The following ECE1 variants were observed in gnomAD, a reference collection of about 807,000 sequenced individuals.
ECE1 encodes the protein endothelin converting enzyme 1.
Under a neutral mutation model 98.6 loss-of-function variants are expected in ECE1, and 35 were observed. The ratio of observed to expected loss-of-function variants is 0.35; its 90% confidence interval spans 0.27 to 0.47. The LOEUF is 0.47. Ranked by LOEUF, ECE1 falls within the 20% of genes least tolerant of loss-of-function variation. The probability of loss-of-function intolerance (pLI) is 1.00; values close to 1 mark genes in which losing one functional copy is unlikely to be tolerated. For synonymous variants in ECE1, 394 were observed against 407.1 expected, an observed-to-expected ratio of 0.97 and a Z score of 0.39; for missense variants, 814 against 1,025.3, an observed-to-expected ratio of 0.79 and a Z score of 2.81.
intron 11 of ECE1, among the ~76,000 whole-genome samples, chr1:21,237,122 G>A (rs2103240927): frequency 6.6e-6 from 1 of 152,234 alleles, no homozygotes; most frequent in Non-Finnish European, 1.5e-5. Flanking sequence ...GTACTTTTCA[G>A]AGCCTTTAAT....
At chr1:21,281,188 T>A (rs762105660) in intron 2 of ECE1, among the ~76,000 whole-genome samples, 7 of 147,110 alleles carry the variant, frequency 4.8e-5, no homozygotes, top group Non-Finnish European at 8.9e-5. Flanking sequence ...AGACTCCGTC[T>A]CGGAAAACAA....
At chr1:21,224,874 A>G (rs535375849) in intron 17 of ECE1, among the ~76,000 whole-genome samples, 2 of 152,244 alleles carry the variant, frequency 1.3e-5, no homozygotes, top group South Asian at 4.1e-4. Flanking sequence ...AACTGGCTCC[A>G]CGACCAGTGC....
rs1170914085 is a variant in ECE1 at position 21,327,352 on chromosome 1, G to C, written c.3+18024C>G. On this transcript the variant is annotated intron_variant, in intron 1 of 18. Transcript: ENST00000415912. This position sits in a 1 kb window ranked among gnomAD's most constrained non-coding sequence, Gnocchi z 4.6. ...GCTCTGTTTTCTCATTTGTCAAAGC[G>C]ACGGGCTGATCCCCTGCCCCACTCC... Among the ~76,000 whole-genome samples the C allele has an allele frequency of 2.0e-5, 3 of 152,116 alleles. No individual in the cohort carries two copies. Among genetic ancestry groups the C allele is most frequent in the Admixed American group, 6.5e-5 (1 of 15,276 alleles).
intron 1 of ECE1, among the ~76,000 whole-genome samples, chr1:21,310,938 A>G (rs1449600381): frequency 1.3e-5 from 2 of 152,128 alleles, no homozygotes; most frequent in Non-Finnish European, 2.9e-5. Flanking sequence ...ATATCCTACA[A>G]AAACATGTTG....
chr1:21,255,986 C>A lies in ECE1; in HGVS notation c.981G>T (p.Glu327Asp). 6.2e-7 allele frequency: 1 copy of A among 1,614,156 alleles called. No individual in the cohort carries two copies. Among genetic ancestry groups the A allele is most frequent in the South Asian group, 1.1e-5 (1 of 91,080 alleles). ...CCGTCACTTTGTGGTAGATGAGCTC[C>A]TCATCACGGCGCTTCTCCTGTGGGA... The part of the protein sequence containing the change: ...ITIPQEKRRD[E>D]ELIYHKVTAA... The change falls in exon 8 of 19, where the codon GAG becomes GAT. Residue 327 changes from glutamate (E) to aspartate (D), a missense_variant. By Grantham distance (45) the Glu-to-Asp change is conservative. This residue lies in a region of ECE1 where 105 missense variants were observed against 179.1 expected (regional missense o/e 0.59). Coordinates refer to ENST00000374893, the MANE Select transcript of ECE1 (RefSeq NM_001397.3).
In ECE1 at chr1:21,233,651, AC is replaced by A; in HGVS notation, c.1576del (p.Val526PhefsTer35). 6.2e-7 allele frequency: 1 copy of A among 1,613,518 alleles called. No homozygotes were observed. Among genetic ancestry groups the A allele is most frequent in the Non-Finnish European group, 8.5e-7 (1 of 1,179,662 alleles). On this transcript the variant is annotated frameshift_variant, in exon 14 of 19. Transcript: ENST00000374893. LOFTEE classifies it high-confidence loss of function. This position sits in a 1 kb window ranked among gnomAD's most constrained non-coding sequence, Gnocchi z 4.0. ...GGCATTTTCAAAGTAGAGGTCTGGAACTGCAGTGTACTAGAAAAGAAGAAGT... is the reference window on the plus strand; with the variant it reads ...GGCATTTTCAAAGTAGAGGTCTGGAATGCAGTGTACTAGAAAAGAAGAAGT... ...LDKVFNDYTAVPDLYFENAMR... is the reference protein window; with the variant it reads ...LDKVFNDYTAXPDLYFENAMR...
Position 21,287,394 on chromosome 1 carries a change from C to T in ECE1, c.138+2676G>A, listed in dbSNP as rs982997623. ...TACAAGTATTAGCCGAGCGTGGTGA[C>T]GTGCGCCTGTAATCCCAGCTACTCC... On this transcript the variant is annotated intron_variant, in intron 2 of 18. Transcript: ENST00000374893. Among the ~76,000 whole-genome samples, 6 of 152,080 alleles carry T rather than the reference C, an allele frequency of 3.9e-5. No individual in the cohort carries two copies. The East Asian group carries it at 1.2e-3, about 29-fold the overall frequency.
rs1251859878 is a variant in ECE1 at position 21,218,365 on chromosome 1, A to T, written c.*1590T>A. ...AGGTTAGCCCTGCAGGCACCGGGGA[A>T]ATGGGGCTATGGCCTGTGCTTCAGT... is the stretch of plus-strand genomic sequence containing the variant. On this transcript the variant is annotated 3_prime_UTR_variant, in exon 19 of 19. Coordinates refer to ENST00000374893, the MANE Select transcript of ECE1 (RefSeq NM_001397.3). The surrounding 1 kb of genome is among the most constrained non-coding windows in gnomAD (Gnocchi z 4.0). The T allele has an allele frequency of 2.0e-5, 3 of 152,348 alleles. No individual in the cohort carries two copies. The highest frequency in any genetic ancestry group is 4.4e-5 in the Non-Finnish European group (3 of 68,198). 9.4% of individuals were successfully genotyped at this position (152,348 alleles called of 1,614,324 possible).
At position 21,220,057 on chromosome 1, in the gene ECE1, G is replaced by A; in HGVS notation, c.2211C>T (p.Phe737=). 1.9e-6 allele frequency: 3 copies of A among 1,614,232 alleles called. No homozygotes were observed. Among genetic ancestry groups the A allele is most frequent in the Non-Finnish European group, 2.5e-6 (3 of 1,180,030 alleles). Residue 737 remains phenylalanine (F), a synonymous_variant, in exon 19 of 19, where the codon TTC becomes TTT. Coordinates refer to ENST00000374893, the MANE Select transcript of ECE1 (RefSeq NM_001397.3). This position sits in a 1 kb window ranked among gnomAD's most constrained non-coding sequence, Gnocchi z 5.0. ...LITDPHSPSR[F]RVIGSLSNSK... ...AATTGGAGAGGGAGCCGATGACCCG[G>A]AAGCGAGAGGGGCTGTGGGGATCGG...
chr1:21,312,627 AAAT>A (rs1424635039), intron 1 of ECE1, among the ~76,000 whole-genome samples: 1 of 151,908 alleles, frequency 6.6e-6, no homozygotes, highest in Non-Finnish European at 1.5e-5. Flanking sequence ...TTAAATAAAT[AAAT>A]AAAAAGAGCA....
chr1:21,290,020 T>C lies in ECE1; in HGVS notation c.138+50A>G. The C allele has an allele frequency of 1.8e-6, 2 of 1,096,210 alleles. No homozygotes were observed. The highest frequency in any genetic ancestry group is 2.3e-6 in the Non-Finnish European group (2 of 886,590). 67.9% of individuals were successfully genotyped at this position (1,096,210 alleles called of 1,614,324 possible). ...GGGGGCGCGGCAGCGGCAGCGCGCA[T>C]GCCCGGGCCCGGGGCGCCTGGACCT... is the stretch of plus-strand genomic sequence containing the variant. On this transcript the variant is annotated intron_variant, in intron 2 of 18. Coordinates refer to ENST00000374893, the MANE Select transcript of ECE1 (RefSeq NM_001397.3). The surrounding 1 kb of genome is among the most constrained non-coding windows in gnomAD (Gnocchi z 7.3).
rs1639097054 is a variant in ECE1, at chr1:21,327,166, A to G, written c.3+18210T>C. ...GCAGGGCATGGGGAGGGACGAAGCC[A>G]CCAGGAGACTGGGAAGAGGGACTCT... On this transcript the variant is annotated intron_variant, in intron 1 of 18. Coordinates refer to the ECE1 transcript ENST00000415912. This position sits in a 1 kb window ranked among gnomAD's most constrained non-coding sequence, Gnocchi z 4.6. Among the ~76,000 whole-genome samples the G allele has an allele frequency of 6.6e-6, 1 of 152,186 alleles. No homozygotes were observed. The highest frequency in any genetic ancestry group is 2.1e-4 in the South Asian group (1 of 4,830).
chr1:21,306,283 T>C (rs1413357421), intron 1 of ECE1, among the ~76,000 whole-genome samples: 1 of 152,152 alleles, frequency 6.6e-6, no homozygotes, highest in East Asian at 1.9e-4. Context: ...GCATCTTACA[T>C]TTATTGAGTG....
intron 1 of ECE1, among the ~76,000 whole-genome samples, chr1:21,324,893 A>C (rs1310784065): frequency 6.6e-6 from 1 of 152,234 alleles, no homozygotes; most frequent in African/African-American, 2.4e-5. Context: ...GACTTTCCTG[A>C]ACGAGCTTTA....
At position 21,252,807 on chromosome 1, in the gene ECE1, T is replaced by C. The variant is rs553905805; in HGVS notation, c.1020+3140A>G. Among the ~76,000 whole-genome samples the C allele has an allele frequency of 5.9e-5, 9 of 152,348 alleles. No individual in the cohort carries two copies. The East Asian group carries it at 1.7e-3, about 29-fold the overall frequency. On this transcript the variant is annotated intron_variant, in intron 8 of 18. Transcript: ENST00000374893. Reference sequence around the variant, plus strand: ...AGACATTCTCTGTCCCAGAGTAGAATGAATCAAATTGATTTAGTGCTGGGT... The same window carrying C: ...AGACATTCTCTGTCCCAGAGTAGAACGAATCAAATTGATTTAGTGCTGGGT...
In ECE1 at chr1:21,279,821, C is replaced by A. The variant is rs141318337; in HGVS notation, c.139-489G>T. On this transcript the variant is annotated intron_variant, in intron 2 of 18. Transcript: ENST00000374893. The stretch of plus-strand genomic sequence containing the variant: ...ACCCTCATAATCCCACGCAAAAACA[C>A]GCGAGCCACCTTGTTATTTTTCTTT... 1.7e-5 allele frequency: 11 copies of A among 643,752 alleles called. No homozygotes were observed. In the East Asian group the frequency reaches 1.1e-3, roughly 64 times the overall value. 39.9% of individuals were successfully genotyped at this position (643,752 alleles called of 1,614,324 possible).
intron 3 of ECE1, among the ~76,000 whole-genome samples, chr1:21,278,022 G>A (rs2098249517): frequency 6.6e-6 from 1 of 152,126 alleles, no homozygotes; most frequent in Non-Finnish European, 1.5e-5. Flanking sequence ...CTTCACAGAG[G>A]GAAGGCTCCA....
At chr1:21,257,888 G>A (rs993701967) in intron 6 of ECE1, among the ~76,000 whole-genome samples, 4 of 152,198 alleles carry the variant, frequency 2.6e-5, no homozygotes, top group African/African-American at 4.8e-5. Context: ...TCTCCCCAAC[G>A]CTTTCCAGGT....
chr1:21,287,726 C>A (rs934844288), intron 2 of ECE1, among the ~76,000 whole-genome samples: 3 of 152,068 alleles, frequency 2.0e-5, no homozygotes, highest in Admixed American at 2.0e-4. Flanking sequence ...TTTTTAATGG[C>A]AGCATGTTTC....
Sources: allele counts gnomAD v4.1 joint callset (sites outside exome capture counted in the v4.1 genomes callset), GRCh38; gene constraint gnomAD v4.1.1; regional missense constraint gnomAD v4.1.1; non-coding constraint Gnocchi (gnomAD v3.1); transcripts MANE v1.5; gene names NCBI Gene and HGNC (gene_info 2026-07-23, HGNC 2026-07-21).